CLCN3: variants seen among roughly 807,000 people sequenced by gnomAD.
The protein encoded by CLCN3 is Cl-/H+ antiporter 3, also known as H(+)/Cl(-) exchange transporter 3.
A neutral mutation model predicts 83.4 loss-of-function variants in CLCN3; 16 were observed. That is an observed-to-expected ratio of 0.19 (90% CI 0.13 to 0.29). The LOEUF is 0.29. Among genes scored for constraint, CLCN3 ranks in the 10% least tolerant of loss-of-function variants. CLCN3 has a pLI of 1.00. For missense variants in CLCN3, 544 were observed against 1,006.0 expected, an observed-to-expected ratio of 0.54 and a Z score of 6.21; for synonymous variants, 322 against 346.2, an observed-to-expected ratio of 0.93 and a Z score of 0.78.
At chr4:169,638,022 T>C (rs1393260253) in intron 2 of CLCN3, among the ~76,000 whole-genome samples, 1 of 152,198 alleles carries the variant, frequency 6.6e-6, no homozygotes, top group Non-Finnish European at 1.5e-5. Context: ...TTTTGTCTTT[T>C]ATTGATTTAT....
intron 2 of CLCN3, among the ~76,000 whole-genome samples, chr4:169,668,184 A>G (rs1173419001): frequency 7.0e-6 from 1 of 142,440 alleles, no homozygotes; most frequent in African/African-American, 2.6e-5. Flanking sequence ...TTTGTTTGTT[A>G]TTTGTTTTTT....
rs775881654 is a variant in CLCN3, at chr4:169,707,169, T to C, written c.2052T>C (p.Ile684=). The C allele has an allele frequency of 2.5e-6, 4 of 1,613,878 alleles. No homozygotes were observed. The Admixed American group carries it at 6.7e-5, about 27-fold the overall frequency. The change falls in exon 11 of 13, where the codon ATT becomes ATC. Residue 684 remains isoleucine, a synonymous_variant. Transcript: ENST00000513761. ...NMTVDDIENM[I]NETSYNGFPV... ...CAGTGGATGATATAGAAAACATGAT[T>C]AATGAAACCAGCTACAATGGATTTC...
Position 169,680,071 on chromosome 4 carries a change from A to G in CLCN3, c.182A>G (p.Asn61Ser), listed in dbSNP as rs1731876382. Residue 61 changes from asparagine to serine, a missense_variant, in exon 3 of 13, where the codon AAT becomes AGT. By Grantham distance (46) the Asn-to-Ser change is conservative (BLOSUM62 1). Transcript: ENST00000513761. ...TAVGTHYTMT[N>S]GGSINSSTHL... ...GTAGGAACTCATTATACAATGACAA[A>G]TGGAGGCAGCATTAACAGTTCTACA... 1 of 1,612,298 alleles carries G rather than the reference A, an allele frequency of 6.2e-7. No homozygotes were observed. The highest frequency in any genetic ancestry group is 1.3e-5 in the African/African-American group (1 of 74,906).
At chr4:169,677,997 C>G (rs959239592) in intron 2 of CLCN3, among the ~76,000 whole-genome samples, 2 of 152,036 alleles carry the variant, frequency 1.3e-5, no homozygotes, top group Non-Finnish European at 2.9e-5. Context: ...TTATTTGACT[C>G]TAATGAGGGA....
chr4:169,675,719 T>C (rs1307034652), intron 2 of CLCN3, among the ~76,000 whole-genome samples: 4 of 152,176 alleles, frequency 2.6e-5, no homozygotes, highest in African/African-American at 9.6e-5. Flanking sequence ...TGGAAAAAAT[T>C]TAAATGTTTC....
chr4:169,676,512 CT>C (rs11445601), intron 2 of CLCN3, among the ~76,000 whole-genome samples: 25,529 of 147,498 alleles, frequency 0.17, 2,728 homozygotes, highest in South Asian at 0.3. Flanking sequence ...TTTTTCTTTT[CT>C]TTTTTTTTTT....
intron 2 of CLCN3, among the ~76,000 whole-genome samples, chr4:169,676,243 G>T (rs1581236045): frequency 6.6e-6 from 1 of 152,176 alleles, no homozygotes; most frequent in East Asian, 1.9e-4. Flanking sequence ...TTTAACTGCT[G>T]CATTTCATTC....
intron 2 of CLCN3, among the ~76,000 whole-genome samples, chr4:169,645,936 A>AT (rs368608876): frequency 1.2e-4 from 18 of 151,848 alleles, no homozygotes; most frequent in East Asian, 9.7e-4. Context: ...TGAGCAACAC[A>AT]TTTTTTTTCA....
At chr4:169,635,233 A>G (rs990291578) in intron 1 of CLCN3, among the ~76,000 whole-genome samples, 3 of 152,120 alleles carry the variant, frequency 2.0e-5, no homozygotes, top group African/African-American at 7.2e-5. Flanking sequence ...GTCTATTACT[A>G]ATGTCCCCAT....
intron 9 of CLCN3, among the ~76,000 whole-genome samples, chr4:169,702,268 G>A (rs1479189813): frequency 6.6e-6 from 1 of 152,120 alleles, no homozygotes; most frequent in Non-Finnish European, 1.5e-5. Context: ...TGCCTGACTA[G>A]CTACCTGCTG....
At chr4:169,679,334 G>T (rs1333699517) in intron 2 of CLCN3, among the ~76,000 whole-genome samples, 1 of 151,886 alleles carries the variant, frequency 6.6e-6, no homozygotes, top group Non-Finnish European at 1.5e-5. Flanking sequence ...AGACGGGATG[G>T]CGGCGGGGAA....
In CLCN3 at chr4:169,720,183, G is replaced by A. The variant is rs1479745726; in HGVS notation, c.*186G>A. The A allele has an allele frequency of 2.3e-5, 18 of 781,840 alleles. No individual in the cohort carries two copies. Among genetic ancestry groups the A allele is most frequent in the Non-Finnish European group, 3.5e-5 (17 of 485,064 alleles). The allele number at this position is 781,840 out of a possible 1,614,324, so 48.4% of individuals were successfully genotyped here. On this transcript the variant is annotated 3_prime_UTR_variant, in exon 13 of 13. Coordinates refer to ENST00000513761, the MANE Select transcript of CLCN3 (RefSeq NM_001829.4). ...CTGGTGGAATGGAGGAGTTGTTTGGGGAGGGAAAGGAGAGAGAAGGAAAGG... is the reference window on the plus strand; with the variant it reads ...CTGGTGGAATGGAGGAGTTGTTTGGAGAGGGAAAGGAGAGAGAAGGAAAGG...
At chr4:169,679,964 G>C in intron 2 of CLCN3, 86 bp from the exon 3 acceptor site, 2 of 1,043,598 alleles carry the variant, frequency 1.9e-6, no homozygotes, top group Non-Finnish European at 3.0e-6. Flanking sequence ...ATTTCTGTAT[G>C]ACTTAATAAT....
At chr4:169,636,279 C>T (rs868708582) in intron 2 of CLCN3, among the ~76,000 whole-genome samples, 191 bp downstream of exon 2, 3 of 152,088 alleles carry the variant, frequency 2.0e-5, no homozygotes, top group Non-Finnish European at 4.4e-5. Flanking sequence ...GTGCAACTAC[C>T]GTTTCTATCT....
rs949049347 is a variant in CLCN3 at position 169,707,063 on chromosome 4, C to G, written c.1946C>G (p.Thr649Ser). 2 of 1,614,130 alleles carry G rather than the reference C, an allele frequency of 1.2e-6. No homozygotes were observed. The highest frequency in any genetic ancestry group is 1.7e-6 in the Non-Finnish European group (2 of 1,180,004). The change falls in exon 11 of 13, where the codon ACT becomes AGT. Residue 649 changes from threonine (T) to serine (S), a missense_variant. Transcript: ENST00000513761. ...YPFLDAKEEFTHTTLAADVMR... is the reference protein window; with the variant it reads ...YPFLDAKEEFSHTTLAADVMR... The stretch of plus-strand genomic sequence containing the variant: ...TTCTTGGATGCAAAAGAAGAATTCA[C>G]TCATACCACCCTGGCTGCTGACGTT...
intron 10 of CLCN3, among the ~76,000 whole-genome samples, chr4:169,704,798 G>T (rs1732927314): frequency 6.6e-6 from 1 of 152,188 alleles, no homozygotes; most frequent in South Asian, 2.1e-4. Flanking sequence ...TAAAATATCA[G>T]CTACACTCTG....
chr4:169,697,957 A>G (rs1732631417), intron 9 of CLCN3, among the ~76,000 whole-genome samples: 2 of 152,184 alleles, frequency 1.3e-5, no homozygotes, highest in South Asian at 2.1e-4. Flanking sequence ...TAAGGTAACT[A>G]CTTATTTTGT....
At chr4:169,632,223 G>GCTTTGTTGCTTTGTTGCCTTT (rs1773390774) in intron 1 of CLCN3, among the ~76,000 whole-genome samples, 1 of 152,148 alleles carries the variant, frequency 6.6e-6, no homozygotes. Flanking sequence ...GAGCAACAAA[G>GCTTTGTTGCTTTGTTGCCTTT]GCCTTGGGGC....
At chr4:169,634,247 T>C (rs1414209261) in intron 1 of CLCN3, among the ~76,000 whole-genome samples, 2 of 152,238 alleles carry the variant, frequency 1.3e-5, no homozygotes, top group Non-Finnish European at 2.9e-5. Context: ...CAGAGATTTC[T>C]TAGTGCTGTG....
Sources: gnomAD v4.1 joint callset for allele counts (sites outside exome capture counted in the v4.1 genomes callset) on GRCh38, gnomAD v4.1.1 for gene constraint, MANE v1.5 for transcripts, NCBI Gene and HGNC (gene_info 2026-07-23, HGNC 2026-07-21) for gene names.